Variants in SLC12A6 observed in about 807,000 individuals in gnomAD.
SLC12A6 encodes the protein K-Cl cotransporter 3.
SLC12A6 carries 66 observed loss-of-function variants against 135.3 expected under a neutral mutation model. That is an observed-to-expected ratio of 0.49 (90% confidence interval 0.40 to 0.60). SLC12A6 has a LOEUF of 0.60. Ranked by LOEUF, SLC12A6 falls within the 20% of genes least tolerant of loss-of-function variation. The pLI, the probability that SLC12A6 is intolerant of heterozygous loss-of-function variation, is 0.00. For missense variants in SLC12A6, 1,058 were observed against 1,452.3 expected (o/e 0.73, Z 4.41); for synonymous variants, 513 against 508.8 (o/e 1.01, Z -0.11).
chr15:34,323,308 A>G (rs1193477771), intron 2 of SLC12A6, among the ~76,000 whole-genome samples: 1 of 152,170 alleles, frequency 6.6e-6, no homozygotes. Flanking sequence ...ATCACAATTT[A>G]AAACAATGGT....
At chr15:34,265,400 ATT>A (rs1480575310) in intron 3 of SLC12A6, among the ~76,000 whole-genome samples, 1 of 123,744 alleles carries the variant, frequency 8.1e-6, no homozygotes, top group African/African-American at 3.7e-5. Context: ...AACAACAGCA[ATT>A]AAAAAAAAAA....
intron 1 of SLC12A6, chr15:34,336,991 C>A: frequency 2.5e-6 from 1 of 399,098 alleles, no homozygotes; most frequent in Admixed American, 3.8e-5. Context: ...TAGCTAACCC[C>A]TCTGGTCCGG....
intron 10 of SLC12A6, among the ~76,000 whole-genome samples, chr15:34,251,539 G>A (rs925490457): frequency 5.9e-5 from 9 of 152,130 alleles, no homozygotes; most frequent in African/African-American, 1.9e-4. Flanking sequence ...AACCCACGGC[G>A]CCCAGCTAAA....
At chr15:34,238,600 T>A (rs1891436085) in intron 20 of SLC12A6, 199 bp from the exon 21 acceptor site, 1 of 629,624 alleles carries the variant, frequency 1.6e-6, no homozygotes, top group African/African-American at 1.8e-5. Flanking sequence ...ACAGTTTATG[T>A]TACTAGGTAT....
chr15:34,333,355 G>A (rs968583139), intron 2 of SLC12A6, among the ~76,000 whole-genome samples: 1 of 151,150 alleles, frequency 6.6e-6, no homozygotes, highest in African/African-American at 2.4e-5. Context: ...AAGGCCTCCC[G>A]AGCAGCTGGG....
chr15:34,281,603 C>T (rs1238947567), intron 2 of SLC12A6, among the ~76,000 whole-genome samples: 3 of 152,144 alleles, frequency 2.0e-5, no homozygotes, highest in Admixed American at 6.5e-5. Context: ...TCCTGGCCAA[C>T]ATGGTGAAAC....
chr15:34,237,602 G>C (rs776138521), intron 21 of SLC12A6, 52 bp from the exon 22 acceptor site: 2 of 1,513,202 alleles, frequency 1.3e-6, no homozygotes, highest in African/African-American at 2.7e-5. Flanking sequence ...GGCAAAAAAG[G>C]TTATTTCCTA....
chr15:34,258,551 A>C (rs1892908737), intron 5 of SLC12A6, among the ~76,000 whole-genome samples: 1 of 152,132 alleles, frequency 6.6e-6, no homozygotes. Context: ...ACTCTGCTTA[A>C]TTTTTTGCTC....
intron 2 of SLC12A6, among the ~76,000 whole-genome samples, chr15:34,304,540 C>G (rs910011515): frequency 6.6e-6 from 1 of 152,202 alleles, no homozygotes; most frequent in Non-Finnish European, 1.5e-5. Context: ...CACATCCTTT[C>G]CAACACTTGA....
At chr15:34,255,541 T>C in intron 7 of SLC12A6, 149 bp from the exon 8 acceptor site, 1 of 574,692 alleles carries the variant, frequency 1.7e-6, no homozygotes, top group Non-Finnish European at 3.0e-6. Context: ...GATGTGCTAG[T>C]GGGAAGTAAA....
rs1002113349 is a variant in SLC12A6, at chr15:34,289,991, C to T, written c.272-14602G>A. Among the ~76,000 whole-genome samples the T allele has an allele frequency of 5.9e-5, 9 of 152,080 alleles. No individual in the cohort carries two copies. The East Asian group carries it at 1.7e-3, about 29-fold the overall frequency. On this transcript the variant is annotated intron_variant, in intron 2 of 25. Transcript: ENST00000354181. ...CTATCTCCTTCAGTTCTGTTCTGAT[C>T]TTAGTAACTATTTCTTGCCTTCTGC... is the stretch of plus-strand genomic sequence containing the variant.
chr15:34,261,325 G>A (rs1893112586), intron 3 of SLC12A6, among the ~76,000 whole-genome samples: 1 of 151,824 alleles, frequency 6.6e-6, no homozygotes, highest in Non-Finnish European at 1.5e-5. Context: ...TTGAGATGGA[G>A]CTGCTATGCC....
chr15:34,326,280 C>T (rs1217161593), intron 2 of SLC12A6, among the ~76,000 whole-genome samples: 1 of 152,158 alleles, frequency 6.6e-6, no homozygotes, highest in Non-Finnish European at 1.5e-5. Flanking sequence ...CATTCAGTTA[C>T]TCAGGGTTTC....
Position 34,275,457 on chromosome 15 carries a change from C to T in SLC12A6, c.272-68G>A, listed in dbSNP as rs550698100. The T allele has an allele frequency of 4.9e-5, 45 of 909,308 alleles. No homozygotes were observed. The South Asian group carries it at 5.9e-4, about 12-fold the overall frequency. The allele number at this position is 909,308 out of a possible 1,614,324, so 56.3% of individuals were successfully genotyped here. On this transcript the variant is annotated intron_variant, in intron 2 of 25. Coordinates refer to ENST00000354181, the MANE Select transcript of SLC12A6 (RefSeq NM_001365088.1). ...TCAAAACAAATAATTTCTTTAAAAT[C>T]AGCAACAAAAGTCAACCAAGGAAAT...
intron 2 of SLC12A6, among the ~76,000 whole-genome samples, chr15:34,314,528 C>T (rs1332172526): frequency 1.3e-5 from 2 of 152,190 alleles, no homozygotes; most frequent in Non-Finnish European, 2.9e-5. Context: ...CATCTTTGAT[C>T]CATCTGCAGC....
rs551833920 is a variant in SLC12A6 at position 34,252,231 on chromosome 15, A to C, written c.1272T>G (p.Phe424Leu). Reference sequence around the variant, plus strand: ...GGATTGAAGTGACGTTATTGTGAACAAAGTATTCATCACAGGTGGCATTGA... The same window carrying C: ...GGATTGAAGTGACGTTATTGTGAACCAAGTATTCATCACAGGTGGCATTGA... Reference protein sequence around the residue: ...QFFNATCDEYFVHNNVTSIQG... With the variant: ...QFFNATCDEYLVHNNVTSIQG... Residue 424 changes from phenylalanine (F) to leucine (L), a missense_variant, in exon 10 of 26, where the codon TTT (phenylalanine) becomes TTG (leucine). This residue lies in a region of SLC12A6 where 297 missense variants were observed against 318.5 expected (regional missense o/e 0.93). Coordinates refer to ENST00000354181, the MANE Select transcript of SLC12A6 (RefSeq NM_001365088.1). The C allele has an allele frequency of 1.2e-6, 2 of 1,610,020 alleles. No homozygotes were observed. Among genetic ancestry groups the C allele is most frequent in the Admixed American group, 1.7e-5 (1 of 60,022 alleles).
chr15:34,309,334 TTAATA>T lies in SLC12A6; in HGVS notation c.271+27071_271+27075del, dbSNP rs536650468. On this transcript the variant is annotated intron_variant, in intron 2 of 25. Transcript: ENST00000354181. Reference sequence around the variant, plus strand: ...ATTTTATAATACACTAAAATTACACTTAATATATTTTTATATTCCTAAATATTGCT... The same window carrying T: ...ATTTTATAATACACTAAAATTACACTTATTTTTATATTCCTAAATATTGCT... Among the ~76,000 whole-genome samples, 1,244 of 152,344 alleles carry T rather than the reference TTAATA, an allele frequency of 8.2e-3. 11 individuals carry two copies. Among genetic ancestry groups the T allele is most frequent in the Non-Finnish European group, 0.011 (777 of 68,030 alleles).
chr15:34,336,708 G>T lies in SLC12A6; in HGVS notation c.-28C>A, dbSNP rs776495836. On this transcript the variant is annotated 5_prime_UTR_variant, in exon 2 of 26. Coordinates refer to ENST00000354181, the MANE Select transcript of SLC12A6 (RefSeq NM_001365088.1). ...TGTTCTTTTTAAGAACAAAAAAAGT[G>T]GGGGGAACCTCGCAAAATCTTCCTC... The T allele has an allele frequency of 1.9e-6, 3 of 1,608,322 alleles. No homozygotes were observed. In the East Asian group the frequency reaches 6.7e-5, roughly 36 times the overall value.
chr15:34,245,314 G>A lies in SLC12A6; in HGVS notation c.1914C>T (p.Ser638=). ...AIAELGILIA[S]LDLVAPILSM... is the part of the protein sequence containing the mutation. ...AAAGAATTGGGGCCACAAGATCCAG[G>A]GAGGCAATGAGTATTCCAAGCTCTG... The change falls in exon 15 of 26, where the codon TCC becomes TCT. Residue 638 remains serine, a synonymous_variant. Coordinates refer to ENST00000354181, the MANE Select transcript of SLC12A6 (RefSeq NM_001365088.1). The A allele has an allele frequency of 6.2e-7, 1 of 1,604,736 alleles. No individual in the cohort carries two copies. The highest frequency in any genetic ancestry group is 8.5e-7 in the Non-Finnish European group (1 of 1,171,424).
Sources: gnomAD v4.1 joint callset for allele counts (sites outside exome capture counted in the v4.1 genomes callset) on GRCh38, gnomAD v4.1.1 for gene constraint, gnomAD v4.1.1 regional missense constraint, MANE v1.5 for transcripts, NCBI Gene and HGNC (gene_info 2026-07-23, HGNC 2026-07-21) for gene names.